Variants in RFX3 observed in about 807,000 individuals in gnomAD.
RFX3 encodes the protein transcription factor RFX3.
A neutral mutation model predicts 98.6 loss-of-function variants in RFX3; 14 were observed. The observed-to-expected ratio is 0.14, with a 90% CI of 0.09 to 0.22. The LOEUF (loss-of-function observed/expected upper bound fraction) is 0.22, where lower values mean the gene tolerates loss of function less well. Among genes scored for constraint, RFX3 ranks in the 10% least tolerant of loss-of-function variants. The probability of loss-of-function intolerance (pLI) is 1.00; values close to 1 mark genes in which losing one functional copy is unlikely to be tolerated. For synonymous variants in RFX3, 383 were observed against 328.4 expected (o/e 1.17, Z -1.80); for missense variants, 639 against 926.9 (o/e 0.69, Z 4.03).
intron 2 of RFX3, among the ~76,000 whole-genome samples, chr9:3,393,787 G>T (rs957684545): frequency 1.3e-5 from 2 of 152,108 alleles, no homozygotes; most frequent in African/African-American, 4.8e-5. Context: ...TGGTACACAT[G>T]AACATAAAGA....
intron 2 of RFX3, among the ~76,000 whole-genome samples, chr9:3,376,306 A>T (rs1838484781): frequency 6.6e-6 from 1 of 152,174 alleles, no homozygotes; most frequent in African/African-American, 2.4e-5. Flanking sequence ...CAAACAATTA[A>T]CCATGGGACT....
At chr9:3,241,893 G>C (rs1053165590) in intron 15 of RFX3, among the ~76,000 whole-genome samples, 1 of 152,144 alleles carries the variant, frequency 6.6e-6, no homozygotes, top group Non-Finnish European at 1.5e-5. Flanking sequence ...AGCGTATTAA[G>C]AGGCATCCTG....
At chr9:3,343,217 G>T (rs1249987010) in intron 3 of RFX3, among the ~76,000 whole-genome samples, 2 of 152,176 alleles carry the variant, frequency 1.3e-5, no homozygotes, top group African/African-American at 4.8e-5. Flanking sequence ...GGACGCTGGT[G>T]ACAAGAGCAT....
intron 12 of RFX3, among the ~76,000 whole-genome samples, chr9:3,265,852 A>C (rs1305618582): frequency 6.6e-6 from 1 of 152,156 alleles, no homozygotes; most frequent in African/African-American, 2.4e-5. Flanking sequence ...AATGAAAACT[A>C]TTTGAACATT....
At chr9:3,493,293 C>G (rs1237128854) in intron 1 of RFX3, among the ~76,000 whole-genome samples, 1 of 152,124 alleles carries the variant, frequency 6.6e-6, no homozygotes, top group Non-Finnish European at 1.5e-5. Flanking sequence ...AGAGGTTCCC[C>G]TGACTTCTGA....
At chr9:3,386,800 G>A (rs943188151) in intron 2 of RFX3, among the ~76,000 whole-genome samples, 9 of 152,140 alleles carry the variant, frequency 5.9e-5, no homozygotes, top group African/African-American at 1.9e-4. Context: ...AAAAGGAAAT[G>A]TAGTAGACAA....
intron 1 of RFX3, among the ~76,000 whole-genome samples, chr9:3,502,141 C>G (rs1332047649): frequency 6.6e-6 from 1 of 150,676 alleles, no homozygotes; most frequent in Non-Finnish European, 1.5e-5. Flanking sequence ...CGCCTGTAGT[C>G]CCAGCTACTC....
intron 4 of RFX3, among the ~76,000 whole-genome samples, chr9:3,309,555 A>G (rs930104870): frequency 6.6e-6 from 1 of 151,552 alleles, no homozygotes; most frequent in Non-Finnish European, 1.5e-5. Flanking sequence ...GAAAAGTCTT[A>G]ACCTAAGCCA....
intron 1 of RFX3, among the ~76,000 whole-genome samples, chr9:3,496,696 T>A (rs971923190): frequency 6.6e-6 from 1 of 151,996 alleles, no homozygotes; most frequent in African/African-American, 2.4e-5. Context: ...TCAAGGCAGT[T>A]AAGGAACTTA....
chr9:3,431,906 A>G (rs564744144), intron 1 of RFX3, among the ~76,000 whole-genome samples: 15 of 152,294 alleles, frequency 9.8e-5, no homozygotes, highest in African/African-American at 3.4e-4. Flanking sequence ...CACAAAGAAC[A>G]CATATGAGTA....
intron 3 of RFX3, among the ~76,000 whole-genome samples, chr9:3,334,846 G>A (rs73381862): frequency 0.04 from 6,020 of 152,200 alleles, 371 homozygotes; most frequent in African/African-American, 0.14. Flanking sequence ...TGGGCCAGGC[G>A]CGGTGGTTCA....
intron 1 of RFX3, among the ~76,000 whole-genome samples, chr9:3,520,262 C>A (rs1385998536): frequency 8.5e-5 from 13 of 152,228 alleles, no homozygotes; most frequent in Non-Finnish European, 1.5e-5. Context: ...GTCTAACACA[C>A]ATGAACTACT....
At chr9:3,432,378 A>G (rs1441544359) in intron 1 of RFX3, among the ~76,000 whole-genome samples, 2 of 152,200 alleles carry the variant, frequency 1.3e-5, no homozygotes, top group African/African-American at 4.8e-5. Flanking sequence ...ACTATGGAAG[A>G]GAACCCCAGT....
intron 1 of RFX3, among the ~76,000 whole-genome samples, chr9:3,478,722 C>T (rs1370408876): frequency 1.3e-5 from 2 of 152,102 alleles, no homozygotes; most frequent in African/African-American, 4.8e-5. Context: ...CATTGTACAG[C>T]CTTTTAAATA....
At chr9:3,396,860 C>T (rs1254310563) in intron 1 of RFX3, among the ~76,000 whole-genome samples, 1 of 152,132 alleles carries the variant, frequency 6.6e-6, no homozygotes, top group African/African-American at 2.4e-5. Flanking sequence ...AAGGTCCTTT[C>T]CAACTTTAAA....
chr9:3,494,725 A>G (rs560368282), intron 1 of RFX3, among the ~76,000 whole-genome samples: 2 of 152,300 alleles, frequency 1.3e-5, no homozygotes, highest in South Asian at 4.1e-4. Context: ...TTTGATAACT[A>G]TGGAACTGGT....
intron 1 of RFX3, among the ~76,000 whole-genome samples, chr9:3,404,165 T>C (rs960272799): frequency 1.3e-5 from 2 of 152,190 alleles, no homozygotes; most frequent in African/African-American, 4.8e-5. Context: ...TTCTGGCAAA[T>C]GTAGTGAACA....
chr9:3,410,190 T>TGTGTGTGTGTGC (rs1842341822), intron 1 of RFX3, among the ~76,000 whole-genome samples: 1 of 151,154 alleles, frequency 6.6e-6, no homozygotes, highest in Non-Finnish European at 1.5e-5. Flanking sequence ...TGTGTGTGTG[T>TGTGTGTGTGTGC]GTGTGTGTGT....
At chr9:3,383,547 A>C (rs910132252) in intron 2 of RFX3, among the ~76,000 whole-genome samples, 4 of 148,074 alleles carry the variant, frequency 2.7e-5, no homozygotes, top group Non-Finnish European at 6.0e-5. Flanking sequence ...CTCTTGGCCA[A>C]AAAAAAAAAA....
Sources: gnomAD v4.1 joint callset for allele counts (sites outside exome capture counted in the v4.1 genomes callset) on GRCh38, gnomAD v4.1.1 for gene constraint, MANE v1.5 for transcripts, NCBI Gene and HGNC (gene_info 2026-07-23, HGNC 2026-07-21) for gene names.